The following UGT1A6 variants were observed in gnomAD, a reference collection of about 807,000 sequenced individuals.
UGT1A6 encodes UDP glucuronosyltransferase family 1 member A6.
In UGT1A6, 32 loss-of-function variants were observed where a neutral mutation model predicts 44.4. The observed-to-expected ratio is 0.72, with a 90% confidence interval of 0.54 to 0.97. UGT1A6 has a LOEUF of 0.97. UGT1A6 is among the 50% of genes least tolerant of loss of function. The probability of loss-of-function intolerance (pLI) is 0.00; values close to 1 mark genes in which losing one functional copy is unlikely to be tolerated. For synonymous variants in UGT1A6, 238 were observed against 248.5 expected, an observed-to-expected ratio of 0.96 and a Z score of 0.40; for missense variants, 685 against 661.9, an observed-to-expected ratio of 1.03 and a Z score of -0.38.
At chr2:233,712,094 C>T (rs961406471) in intron 1 of UGT1A6, among the ~76,000 whole-genome samples, 7 of 152,220 alleles carry the variant, frequency 4.6e-5, no homozygotes, top group South Asian at 2.1e-4. Flanking sequence ...GATGAATGGA[C>T]ACTTCAGTCT....
At chr2:233,716,925 G>T (rs1351341849) in intron 1 of UGT1A6, among the ~76,000 whole-genome samples, 6 of 152,158 alleles carry the variant, frequency 3.9e-5, no homozygotes, top group African/African-American at 1.4e-4. Context: ...CTGATGCCTT[G>T]GGCAGCTCCT....
At chr2:233,707,920 A>C (rs1233939491) in intron 1 of UGT1A6, among the ~76,000 whole-genome samples, 2 of 152,212 alleles carry the variant, frequency 1.3e-5, no homozygotes. Context: ...TGAGGGTTTT[A>C]AAATATACTT....
chr2:233,756,514 G>A (rs1394281486), intron 1 of UGT1A6, among the ~76,000 whole-genome samples: 1 of 152,030 alleles, frequency 6.6e-6, no homozygotes, highest in African/African-American at 2.4e-5. Context: ...AGGGTCAAAT[G>A]TGCATGTTAT....
At position 233,693,751 on chromosome 2, in the gene UGT1A6, G is replaced by A; in HGVS notation, c.747G>A (p.Lys249=). 1.2e-6 allele frequency: 2 copies of A among 1,614,202 alleles called. No individual in the cohort carries two copies. The highest frequency in any genetic ancestry group is 1.7e-6 in the Non-Finnish European group (2 of 1,180,038). Residue 249 remains lysine (K), a synonymous_variant, in exon 1 of 5, where the codon AAG becomes AAA. Coordinates refer to ENST00000305139, the MANE Select transcript of UGT1A6 (RefSeq NM_001072.4). ...RDVDIITLYQ[K]VSVWLLRYDF... ...TGGATATAATCACCTTATATCAGAA[G>A]GTCTCTGTTTGGCTGTTAAGATATG...
chr2:233,736,852 G>A (rs2078820278), intron 1 of UGT1A6, among the ~76,000 whole-genome samples: 1 of 152,188 alleles, frequency 6.6e-6, no homozygotes, highest in Non-Finnish European at 1.5e-5. Flanking sequence ...AGTGGAGGCT[G>A]CAGAACAGCA....
At chr2:233,754,276 G>C (rs906718442) in intron 1 of UGT1A6, 1 of 190,364 alleles carries the variant, frequency 5.3e-6, no homozygotes, top group Non-Finnish European at 1.1e-5. Context: ...AAAGTGCTGA[G>C]ATGAACATTC....
chr2:233,734,725 G>A (rs549781531), intron 1 of UGT1A6, among the ~76,000 whole-genome samples: 6 of 150,570 alleles, frequency 4.0e-5, no homozygotes, highest in East Asian at 2.0e-4. Flanking sequence ...CTTTGTTCTC[G>A]TCGGTTTCAA....
intron 1 of UGT1A6, among the ~76,000 whole-genome samples, chr2:233,735,286 T>C (rs1434598699): frequency 2.0e-5 from 3 of 152,196 alleles, no homozygotes; most frequent in African/African-American, 7.2e-5. Flanking sequence ...CTTTGTCTCT[T>C]TTGATTTTTG....
At chr2:233,744,830 C>T (rs1397752961) in intron 1 of UGT1A6, among the ~76,000 whole-genome samples, 2 of 151,900 alleles carry the variant, frequency 1.3e-5, no homozygotes, top group African/African-American at 4.9e-5. Context: ...CTTTGAGAAT[C>T]GCTAGTCTAG....
intron 1 of UGT1A6, among the ~76,000 whole-genome samples, chr2:233,761,833 G>A (rs549701832): frequency 6.6e-6 from 1 of 152,304 alleles, no homozygotes; most frequent in Admixed American, 6.5e-5. Flanking sequence ...CAGATGGAGC[G>A]TTAGGGAATT....
At chr2:233,729,409 G>C (rs1264400033) in intron 1 of UGT1A6, 1 of 1,613,762 alleles carries the variant, frequency 6.2e-7, no homozygotes, top group South Asian at 1.1e-5. Context: ...CCATGTGCTG[G>C]GCCACACTCA....
chr2:233,741,547 T>G (rs4663963), intron 1 of UGT1A6: 82,548 of 151,614 alleles, frequency 0.54, 24,567 homozygotes, highest in African/African-American at 0.79. Flanking sequence ...GATACTTCTT[T>G]TATGGTTATT....
chr2:233,752,781 C>T (rs1162563529), intron 1 of UGT1A6, among the ~76,000 whole-genome samples: 1 of 152,170 alleles, frequency 6.6e-6, no homozygotes, highest in African/African-American at 2.4e-5. Flanking sequence ...AATAACCAAA[C>T]AAGCTTTACA....
intron 1 of UGT1A6, among the ~76,000 whole-genome samples, chr2:233,720,787 C>T (rs369291144): frequency 6.6e-5 from 10 of 151,230 alleles, no homozygotes; most frequent in South Asian, 4.2e-4. Flanking sequence ...CTCACTGCAA[C>T]CTTCACCTCC....
At chr2:233,732,556 A>G (rs1170205117) in intron 1 of UGT1A6, among the ~76,000 whole-genome samples, 1 of 152,226 alleles carries the variant, frequency 6.6e-6, no homozygotes, top group African/African-American at 2.4e-5. Context: ...CATTTATTAA[A>G]TAAGGAATCC....
chr2:233,771,328 C>G (rs11888492), intron 4 of UGT1A6: 27,690 of 151,958 alleles, frequency 0.18, 3,662 homozygotes, highest in African/African-American at 0.37. Flanking sequence ...CTTCAATCTC[C>G]TCTTCATTCC....
intron 1 of UGT1A6, chr2:233,729,581 A>AC (rs752036126): frequency 6.8e-6 from 11 of 1,613,946 alleles, no homozygotes. Context: ...GTTTTAACAG[A>AC]CCCCGTTAAC....
At chr2:233,733,869 C>T (rs975516121) in intron 1 of UGT1A6, among the ~76,000 whole-genome samples, 2 of 151,714 alleles carry the variant, frequency 1.3e-5, no homozygotes, top group Non-Finnish European at 2.9e-5. Context: ...GGAATAGTTT[C>T]AGAAGGAATG....
intron 1 of UGT1A6, among the ~76,000 whole-genome samples, chr2:233,714,030 C>T (rs141549280): frequency 1.3e-5 from 2 of 152,174 alleles, no homozygotes; most frequent in African/African-American, 4.8e-5. Context: ...AATGGTAGTG[C>T]AGTTCAGGGT....
Sources: allele counts gnomAD v4.1 joint callset (sites outside exome capture counted in the v4.1 genomes callset), GRCh38; gene constraint gnomAD v4.1.1; transcripts MANE v1.5; gene names NCBI Gene and HGNC (gene_info 2026-07-23, HGNC 2026-07-21).